KHDRBS2: variants seen among roughly 807,000 people sequenced by gnomAD.
KHDRBS2 encodes the protein KH RNA binding domain containing, signal transduction associated 2.
Under a neutral mutation model 44.3 loss-of-function variants are expected in KHDRBS2, and 26 were observed. The ratio of observed to expected loss-of-function variants is 0.59; its 90% CI spans 0.43 to 0.81. KHDRBS2 has a LOEUF of 0.81. KHDRBS2 is among the 40% of genes least tolerant of loss of function. The probability of loss-of-function intolerance (pLI) is 0.00; values close to 1 mark genes in which losing one functional copy is unlikely to be tolerated. For synonymous variants in KHDRBS2, 194 were observed against 151.1 expected (o/e 1.28, Z -2.08); for missense variants, 476 against 433.1 (o/e 1.10, Z -0.88).
chr6:61,617,508 T>C, the KHDRBS2 span, among the ~76,000 whole-genome samples: 114 of 152,300 alleles, frequency 7.5e-4, no homozygotes, highest in African/African-American at 2.6e-3. Flanking sequence ...CATTCTAATA[T>C]CTTGTAAACC....
chr6:61,930,272 A>C (rs967662364), intron 4 of KHDRBS2, among the ~76,000 whole-genome samples: 3 of 152,084 alleles, frequency 2.0e-5, no homozygotes, highest in Non-Finnish European at 4.4e-5. Flanking sequence ...TTTATAAATT[A>C]CTGAGTCTGT....
At chr6:61,667,780 G>T in the KHDRBS2 span, among the ~76,000 whole-genome samples, 3,709 of 151,298 alleles carry the variant, frequency 0.025, 72 homozygotes, top group Middle Eastern at 0.082. Flanking sequence ...TCACAGGCTA[G>T]CATTACTAGC....
chr6:61,936,094 G>C (rs1413478187), intron 4 of KHDRBS2, among the ~76,000 whole-genome samples: 1 of 151,936 alleles, frequency 6.6e-6, no homozygotes, highest in Non-Finnish European at 1.5e-5. Context: ...TTTTCGCAAT[G>C]TGCCCTTTCA....
At chr6:61,561,288 C>T in the KHDRBS2 span, among the ~76,000 whole-genome samples, 1 of 152,130 alleles carries the variant, frequency 6.6e-6, no homozygotes, top group Non-Finnish European at 1.5e-5. Context: ...CCTGTGGCTA[C>T]CATCACTGTG....
chr6:61,948,240 T>C (rs1321250017), intron 4 of KHDRBS2, among the ~76,000 whole-genome samples: 1 of 152,142 alleles, frequency 6.6e-6, no homozygotes, highest in Non-Finnish European at 1.5e-5. Flanking sequence ...AAATCATGAA[T>C]GTAGCTAAGT....
chr6:61,765,694 A>T (rs1409135707), intron 6 of KHDRBS2, among the ~76,000 whole-genome samples: 2 of 152,024 alleles, frequency 1.3e-5, no homozygotes, highest in Non-Finnish European at 2.9e-5. Context: ...GTTTTTTTAA[A>T]TCATAAAGCA....
intron 2 of KHDRBS2, among the ~76,000 whole-genome samples, chr6:62,071,845 A>C (rs1795188827): frequency 6.6e-6 from 1 of 152,120 alleles, no homozygotes; most frequent in Admixed American, 6.6e-5. Context: ...GTTCCATATA[A>C]ACTTTAAAGT....
intron 1 of KHDRBS2, among the ~76,000 whole-genome samples, chr6:62,242,549 G>C (rs1340240077): frequency 6.6e-6 from 1 of 151,884 alleles, no homozygotes; most frequent in Non-Finnish European, 1.5e-5. Context: ...TATCCAGGAT[G>C]AAAACCAATA....
intron 2 of KHDRBS2, among the ~76,000 whole-genome samples, chr6:62,158,029 T>A (rs1374019166): frequency 6.6e-6 from 1 of 152,200 alleles, no homozygotes; most frequent in Non-Finnish European, 1.5e-5. Flanking sequence ...AGAAAAGTGA[T>A]TGATACATAG....
chr6:61,862,144 A>G (rs1369142782), intron 6 of KHDRBS2, among the ~76,000 whole-genome samples: 1 of 152,084 alleles, frequency 6.6e-6, no homozygotes, highest in African/African-American at 2.4e-5. Flanking sequence ...TTTTGTAGAT[A>G]AAGGAAACCT....
the KHDRBS2 span, among the ~76,000 whole-genome samples, chr6:61,617,473 C>T: frequency 6.6e-6 from 1 of 152,018 alleles, no homozygotes; most frequent in African/African-American, 2.4e-5. Context: ...TATTTTGTTG[C>T]AGCAGTGCTT....
At chr6:61,898,077 A>C (rs1803260928) in intron 5 of KHDRBS2, among the ~76,000 whole-genome samples, 1 of 152,072 alleles carries the variant, frequency 6.6e-6, no homozygotes, top group Admixed American at 6.6e-5. Flanking sequence ...TGAAATGTAA[A>C]TTGTTTTAAT....
chr6:61,759,609 G>A (rs1409889305), intron 6 of KHDRBS2, among the ~76,000 whole-genome samples: 1 of 151,878 alleles, frequency 6.6e-6, no homozygotes, highest in Non-Finnish European at 1.5e-5. Flanking sequence ...TTGAAGATGC[G>A]GTCAAACTCA....
the KHDRBS2 span, among the ~76,000 whole-genome samples, chr6:61,670,944 T>G: frequency 6.6e-6 from 1 of 151,768 alleles, no homozygotes; most frequent in African/African-American, 2.4e-5. Flanking sequence ...GACACTGCAC[T>G]CTCCCACATA....
chr6:61,856,726 C>T (rs919847142), intron 6 of KHDRBS2, among the ~76,000 whole-genome samples: 3 of 151,946 alleles, frequency 2.0e-5, no homozygotes, highest in Admixed American at 1.3e-4. Flanking sequence ...ATAGCCTGTC[C>T]TCTTCCTTCC....
chr6:61,662,699 G>C, the KHDRBS2 span, among the ~76,000 whole-genome samples: 1 of 152,018 alleles, frequency 6.6e-6, no homozygotes, highest in Admixed American at 6.6e-5. Flanking sequence ...ACCACAATGA[G>C]GTACCATCTC....
intron 6 of KHDRBS2, among the ~76,000 whole-genome samples, chr6:61,742,441 G>A (rs1256691843): frequency 1.3e-5 from 2 of 151,854 alleles, no homozygotes; most frequent in African/African-American, 4.8e-5. Flanking sequence ...AATTATTAAT[G>A]CTTGTGTATT....
the KHDRBS2 span, among the ~76,000 whole-genome samples, chr6:61,601,975 C>T: frequency 2.6e-5 from 4 of 152,246 alleles, no homozygotes; most frequent in South Asian, 8.3e-4. Context: ...AATCAGTTAG[C>T]ATTTAGGCTC....
At chr6:61,887,433 G>C (rs1332777861) in intron 6 of KHDRBS2, among the ~76,000 whole-genome samples, 17 of 152,022 alleles carry the variant, frequency 1.1e-4, no homozygotes, top group African/African-American at 4.1e-4. Flanking sequence ...CTTAGCAGAA[G>C]GTCAATGAAA....
Sources: allele counts gnomAD v4.1 joint callset (sites outside exome capture counted in the v4.1 genomes callset), GRCh38; gene constraint gnomAD v4.1.1; transcripts MANE v1.5; gene names NCBI Gene and HGNC (gene_info 2026-07-23, HGNC 2026-07-21).